ASTN2: variants seen among roughly 807,000 people sequenced by gnomAD.
ASTN2 encodes the protein astrotactin-2.
ASTN2 carries 54 observed loss-of-function variants against 139.8 expected under a neutral mutation model. The ratio of observed to expected loss-of-function variants is 0.39; its 90% CI spans 0.31 to 0.48. The LOEUF is 0.48. Among genes scored for constraint, ASTN2 ranks in the 20% least tolerant of loss-of-function variants. The pLI, the probability that ASTN2 is intolerant of heterozygous loss-of-function variation, is 0.95. For synonymous variants in ASTN2, 756 were observed against 719.5 expected (o/e 1.05, Z -0.81); for missense variants, 1,565 against 1,725.1 (o/e 0.91, Z 1.64).
intron 16 of ASTN2, among the ~76,000 whole-genome samples, chr9:116,674,943 G>A (rs181681471): frequency 9.3e-4 from 141 of 152,212 alleles, no homozygotes; most frequent in Admixed American, 1.6e-3. Context: ...TCCACACAGC[G>A]AGCTCTGCTT....
chr9:116,804,754 T>C (rs1026676984), intron 13 of ASTN2, among the ~76,000 whole-genome samples: 1 of 152,186 alleles, frequency 6.6e-6, no homozygotes, highest in African/African-American at 2.4e-5. Flanking sequence ...TTTATTGATA[T>C]GACCTCAAAT....
intron 10 of ASTN2, among the ~76,000 whole-genome samples, chr9:116,872,476 A>G (rs897259310): frequency 6.6e-6 from 1 of 152,118 alleles, no homozygotes; most frequent in Admixed American, 6.5e-5. Context: ...TGGTCCATTT[A>G]CTCAGTTAAA....
At chr9:116,434,789 T>C (rs1017455650) in intron 22 of ASTN2, among the ~76,000 whole-genome samples, 9 of 152,170 alleles carry the variant, frequency 5.9e-5, no homozygotes, top group African/African-American at 2.2e-4. Flanking sequence ...TGTCAGTGCG[T>C]CTTCTTTGAG....
intron 10 of ASTN2, among the ~76,000 whole-genome samples, chr9:116,912,174 G>C (rs1834329309): frequency 6.6e-6 from 1 of 152,220 alleles, no homozygotes; most frequent in Non-Finnish European, 1.5e-5. Flanking sequence ...AAGGCAGCCT[G>C]GCACAGTGGA....
At chr9:116,785,700 G>A (rs1830354251) in intron 13 of ASTN2, among the ~76,000 whole-genome samples, 1 of 152,036 alleles carries the variant, frequency 6.6e-6, no homozygotes, top group Non-Finnish European at 1.5e-5. Context: ...TCCCTCATCA[G>A]TAAATCTAGT....
At chr9:116,507,106 TA>T (rs1850145548) in intron 19 of ASTN2, among the ~76,000 whole-genome samples, 1 of 152,254 alleles carries the variant, frequency 6.6e-6, no homozygotes, top group African/African-American at 2.4e-5. Flanking sequence ...TTCACAGAGA[TA>T]CTGTGAAGCT....
At chr9:116,781,076 G>A (rs1830207839) in intron 13 of ASTN2, among the ~76,000 whole-genome samples, 1 of 152,118 alleles carries the variant, frequency 6.6e-6, no homozygotes, top group South Asian at 2.1e-4. Context: ...CTGACCTCAG[G>A]TGATCCGCCC....
chr9:116,567,435 G>A (rs935177187), intron 19 of ASTN2, among the ~76,000 whole-genome samples: 1 of 152,182 alleles, frequency 6.6e-6, no homozygotes, highest in Non-Finnish European at 1.5e-5. Flanking sequence ...AGCCTATTCT[G>A]GGAAGTCTCT....
chr9:117,309,767 G>A (rs1460911540), intron 1 of ASTN2, among the ~76,000 whole-genome samples: 4 of 152,146 alleles, frequency 2.6e-5, no homozygotes, highest in Admixed American at 2.6e-4. Context: ...GCAGCTGGGT[G>A]TAGAGGATTA....
At chr9:116,855,317 A>G (rs1236729001) in intron 11 of ASTN2, among the ~76,000 whole-genome samples, 1 of 19,320 alleles carries the variant, frequency 5.2e-5, no homozygotes, top group Non-Finnish European at 1.1e-4. Flanking sequence ...AAAGATGCAA[A>G]TGCTCCTGAT....
intron 13 of ASTN2, among the ~76,000 whole-genome samples, chr9:116,782,195 T>C (rs1160162881): frequency 6.6e-6 from 1 of 152,200 alleles, no homozygotes; most frequent in African/African-American, 2.4e-5. Flanking sequence ...ACTCTCTAGC[T>C]GTCAGTGGAG....
At chr9:117,218,468 C>T (rs1832405993) in intron 2 of ASTN2, among the ~76,000 whole-genome samples, 1 of 152,176 alleles carries the variant, frequency 6.6e-6, no homozygotes, top group Non-Finnish European at 1.5e-5. Flanking sequence ...CATCGTGCCA[C>T]TGACTACTGA....
rs138735929 is a variant in ASTN2, at chr9:116,699,665, G to A, written c.2806+26106C>T. 6.2e-7 allele frequency: 1 copy of A among 1,614,192 alleles called. No homozygotes were observed. Among genetic ancestry groups the A allele is most frequent in the Non-Finnish European group, 8.5e-7 (1 of 1,180,036 alleles). ...TGGACTGTTGGGATCATTGCATCAAGATCTACAGCTACCATCTGAGAAGAT... is the reference window on the plus strand; with the variant it reads ...TGGACTGTTGGGATCATTGCATCAAAATCTACAGCTACCATCTGAGAAGAT... On this transcript the variant is annotated intron_variant, in intron 16 of 22. Coordinates refer to ENST00000313400, the MANE Select transcript of ASTN2 (RefSeq NM_001365068.1). This position sits in a 1 kb window ranked among gnomAD's most constrained non-coding sequence, Gnocchi z 4.2.
chr9:116,442,036 A>G (rs1283638765), intron 21 of ASTN2, among the ~76,000 whole-genome samples: 1 of 152,196 alleles, frequency 6.6e-6, no homozygotes, highest in African/African-American at 2.4e-5. Flanking sequence ...GATGTCTGCT[A>G]TGGACACCAC....
intron 16 of ASTN2, among the ~76,000 whole-genome samples, chr9:116,689,110 C>G (rs1860433466): frequency 6.6e-6 from 1 of 152,098 alleles, no homozygotes. Context: ...ACGCCCTTCC[C>G]CCCCGCAGTA....
At chr9:117,410,318 A>G (rs1831125785) in intron 1 of ASTN2, among the ~76,000 whole-genome samples, 1 of 152,138 alleles carries the variant, frequency 6.6e-6, no homozygotes, top group Admixed American at 6.5e-5. Context: ...ACTGAATGAC[A>G]TACAGGTTCA....
intron 11 of ASTN2, among the ~76,000 whole-genome samples, chr9:116,846,147 T>TA (rs1352487917): frequency 1.3e-5 from 2 of 152,180 alleles, no homozygotes; most frequent in Non-Finnish European, 2.9e-5. Flanking sequence ...GAGGTGCTTA[T>TA]AGCAGTCAAA....
At chr9:116,749,583 T>C (rs546026774) in intron 13 of ASTN2, among the ~76,000 whole-genome samples, 1 of 152,330 alleles carries the variant, frequency 6.6e-6, no homozygotes, top group South Asian at 2.1e-4. Flanking sequence ...CAGCATGCAC[T>C]GAAATTGCCA....
At chr9:116,671,837 G>GA (rs1231903507) in intron 16 of ASTN2, among the ~76,000 whole-genome samples, 1 of 152,102 alleles carries the variant, frequency 6.6e-6, no homozygotes, top group Admixed American at 6.5e-5. Flanking sequence ...ATGTCATCTT[G>GA]AAAATGGCTA....
Sources: allele counts gnomAD v4.1 joint callset (sites outside exome capture counted in the v4.1 genomes callset), GRCh38; gene constraint gnomAD v4.1.1; non-coding constraint Gnocchi (gnomAD v3.1); transcripts MANE v1.5; gene names NCBI Gene and HGNC (gene_info 2026-07-23, HGNC 2026-07-21).